The following DACH2 variants were observed in gnomAD, a reference collection of about 807,000 sequenced individuals.
DACH2 encodes the protein dachshund family transcription factor 2.
Under a neutral mutation model 35.8 loss-of-function variants are expected in DACH2, and 17 were observed. That is an observed-to-expected ratio of 0.48 (90% CI 0.33 to 0.71). The LOEUF (loss-of-function observed/expected upper bound fraction) is 0.71. DACH2 is among the 30% of genes least tolerant of loss of function. The probability of loss-of-function intolerance (pLI) is 0.02; values close to 1 mark genes in which losing one functional copy is unlikely to be tolerated. For missense variants in DACH2, 469 were observed against 472.7 expected, an observed-to-expected ratio of 0.99 and a Z score of 0.07; for synonymous variants, 195 against 177.3, an observed-to-expected ratio of 1.10 and a Z score of -0.79.
chrX:86,402,070 G>A (rs899471257), intron 2 of DACH2, among the ~76,000 whole-genome samples: 1 of 111,852 alleles, frequency 8.9e-6, no homozygotes, highest in Non-Finnish European at 1.9e-5. Flanking sequence ...AAACCCACAG[G>A]CAGTATCATA....
At chrX:86,831,125 C>T (rs1410831321) in intron 11 of DACH2, 1 of 110,954 alleles carries the variant, frequency 9.0e-6, no homozygotes, top group Non-Finnish European at 1.9e-5. Context: ...CTAGAAAATT[C>T]TGCCACTCAC....
chrX:86,565,993 T>C (rs1237035779), intron 3 of DACH2, among the ~76,000 whole-genome samples: 7 of 111,997 alleles, frequency 6.3e-5, no homozygotes, highest in Non-Finnish European at 1.3e-4. Context: ...TTAAATGTTA[T>C]AATTATTTCT....
intron 7 of DACH2, among the ~76,000 whole-genome samples, chrX:86,756,439 G>A (rs1043851333): frequency 1.9e-5 from 2 of 105,609 alleles, no homozygotes; most frequent in Non-Finnish European, 3.9e-5. Flanking sequence ...TTCTTCTAGA[G>A]ATCTTTCACC....
rs775434987 is a variant in DACH2 at position 86,433,832 on chromosome X, C to T, written c.527+56970C>T. ...TGTGTATTGTAGTAAGAAAGAAGGC[C>T]CAAGCATTGAAGAAAAATTAGCAGG... On this transcript the variant is annotated intron_variant, in intron 2 of 11. Coordinates refer to ENST00000373125, the MANE Select transcript of DACH2 (RefSeq NM_053281.3). Among the ~76,000 whole-genome samples, 6 of 111,271 alleles carry T rather than the reference C, an allele frequency of 5.4e-5. 1 individual carries two copies. The South Asian group carries it at 2.2e-3, about 42-fold the overall frequency.
At chrX:86,535,839 C>A (rs1013459926) in intron 3 of DACH2, among the ~76,000 whole-genome samples, 1 of 111,253 alleles carries the variant, frequency 9.0e-6, no homozygotes, top group Non-Finnish European at 1.9e-5. Flanking sequence ...GCGGGAAATA[C>A]GTGCAGTGGG....
rs1569463754 is a variant in DACH2, at chrX:86,667,604, GAAAGAAA to G, written c.772+16438_772+16444del. 1.7e-3 allele frequency among the ~76,000 whole-genome samples: 181 copies of G among 105,092 alleles called. 1 individual carries two copies. The highest frequency in any genetic ancestry group is 4.1e-3 in the African/African-American group (116 of 28,041). 91.3% of individuals were successfully genotyped at this position (105,092 alleles called of 115,157 possible). ...AGAAAGAAAGAAAGAAAGAAAGAAA[GAAAGAAA>G]GAAAGGCAGGCAGGCCCTGGTCTTA... On this transcript the variant is annotated intron_variant, in intron 4 of 11. Transcript: ENST00000373125.
chrX:86,323,118 G>A (rs962391367), intron 1 of DACH2, among the ~76,000 whole-genome samples: 1 of 112,258 alleles, frequency 8.9e-6, no homozygotes, highest in African/African-American at 3.2e-5. Flanking sequence ...TGTAAGCCTT[G>A]AAATACCAGG....
At chrX:86,813,514 A>G (rs1329041103) in intron 9 of DACH2, among the ~76,000 whole-genome samples, 1 of 107,005 alleles carries the variant, frequency 9.3e-6, no homozygotes, top group African/African-American at 3.4e-5. Flanking sequence ...CGGGAGGCTG[A>G]GGCAGGAGAA....
At chrX:86,661,409 A>G (rs1352576176) in intron 4 of DACH2, among the ~76,000 whole-genome samples, 2 of 112,547 alleles carry the variant, frequency 1.8e-5, no homozygotes, top group African/African-American at 6.5e-5. Context: ...CCTATTCTGG[A>G]TATTTCATGT....
chrX:86,255,888 T>A (rs2033509245), intron 1 of DACH2, among the ~76,000 whole-genome samples: 1 of 111,468 alleles, frequency 9.0e-6, no homozygotes, highest in African/African-American at 3.3e-5. Flanking sequence ...ACAAAAAATT[T>A]CCAACAAAAT....
intron 2 of DACH2, among the ~76,000 whole-genome samples, chrX:86,393,308 C>T (rs1185177117): frequency 1.1e-4 from 12 of 111,682 alleles, no homozygotes; most frequent in Non-Finnish European, 2.1e-4. Context: ...GCTAAATCTA[C>T]TCATCATTCT....
At chrX:86,640,271 C>T (rs2148397299) in intron 3 of DACH2, among the ~76,000 whole-genome samples, 1 of 111,209 alleles carries the variant, frequency 9.0e-6, no homozygotes, top group Non-Finnish European at 1.9e-5. Context: ...ACCTCTCTGC[C>T]ACTGCCTCTG....
rs781533337 is a variant in DACH2 at position 86,584,816 on chromosome X, G to A, written c.641-66220G>A. Among the ~76,000 whole-genome samples, 16 of 111,130 alleles carry A rather than the reference G, an allele frequency of 1.4e-4. No individual in the cohort carries two copies. The South Asian group carries it at 4.9e-3, about 34-fold the overall frequency. Reference sequence around the variant, plus strand: ...ATAGGTAGCTTTTCAGCTTTTCAGTGTTCTAGTACACCCCGGTGTCTATTG... The same window carrying A: ...ATAGGTAGCTTTTCAGCTTTTCAGTATTCTAGTACACCCCGGTGTCTATTG... On this transcript the variant is annotated intron_variant, in intron 3 of 11. Transcript: ENST00000373125.
At chrX:86,445,777 T>A (rs1400706420) in intron 2 of DACH2, among the ~76,000 whole-genome samples, 1 of 110,909 alleles carries the variant, frequency 9.0e-6, no homozygotes, top group Non-Finnish European at 1.9e-5. Context: ...TGTGGCATAA[T>A]ATATGATCTA....
chrX:86,450,739 T>C (rs2037361529), intron 2 of DACH2, among the ~76,000 whole-genome samples: 1 of 110,544 alleles, frequency 9.0e-6, no homozygotes, highest in South Asian at 3.8e-4. Flanking sequence ...CCTTTTTTTT[T>C]TTCACTTTTT....
intron 2 of DACH2, among the ~76,000 whole-genome samples, chrX:86,421,425 G>T (rs781382960): frequency 2.9e-4 from 32 of 111,419 alleles, no homozygotes; most frequent in African/African-American, 1.0e-3. Context: ...ACTGGCAGAA[G>T]ATTTAAGGCA....
intron 2 of DACH2, among the ~76,000 whole-genome samples, chrX:86,449,679 T>C (rs976716720): frequency 2.7e-5 from 3 of 111,305 alleles, no homozygotes; most frequent in Non-Finnish European, 3.8e-5. Context: ...TGCTTCATTG[T>C]TACCATGAGG....
intron 2 of DACH2, among the ~76,000 whole-genome samples, chrX:86,386,804 G>C (rs183440037): frequency 1.2e-4 from 13 of 110,814 alleles, no homozygotes; most frequent in African/African-American, 3.9e-4. Flanking sequence ...TCCAGTCCTG[G>C]AGTCAGAAAC....
At chrX:86,222,181 C>A (rs999539251) in intron 1 of DACH2, among the ~76,000 whole-genome samples, 2 of 112,085 alleles carry the variant, frequency 1.8e-5, no homozygotes, top group Admixed American at 9.5e-5. Context: ...AATTGCTGTA[C>A]ACGAAAATAA....
Sources: allele counts gnomAD v4.1 joint callset (sites outside exome capture counted in the v4.1 genomes callset), GRCh38; gene constraint gnomAD v4.1.1; transcripts MANE v1.5; gene names NCBI Gene and HGNC (gene_info 2026-07-23, HGNC 2026-07-21).